The following GDA variants were observed in gnomAD, a reference collection of about 807,000 sequenced individuals.
The protein encoded by GDA is guanine deaminase, also known as cytoplasmic PSD-95 interactor.
Under a neutral mutation model 59.6 loss-of-function variants are expected in GDA, and 18 were observed. That is an observed-to-expected ratio of 0.30 (90% confidence interval 0.21 to 0.45). The LOEUF (loss-of-function observed/expected upper bound fraction) is 0.45, where lower values mean the gene tolerates loss of function less well. Among genes scored for constraint, GDA ranks in the 20% least tolerant of loss-of-function variants. The pLI is 1.00. For missense variants in GDA, 427 were observed against 552.3 expected, an observed-to-expected ratio of 0.77 and a Z score of 2.27; for synonymous variants, 201 against 201.1, an observed-to-expected ratio of 1.00 and a Z score of 0.00.
chr9:72,174,888 A>G (rs1830380395), intron 1 of GDA, among the ~76,000 whole-genome samples: 2 of 152,100 alleles, frequency 1.3e-5, no homozygotes, highest in African/African-American at 4.8e-5. Context: ...ATACCTTGGC[A>G]TTAATTGGAC....
intron 4 of GDA, 90 bp downstream of exon 4, chr9:72,210,864 C>A: frequency 1.3e-6 from 1 of 796,672 alleles, no homozygotes; most frequent in South Asian, 1.4e-5. Context: ...TTGGGCAGAC[C>A]TGCCTTTTAA....
intron 1 of GDA, among the ~76,000 whole-genome samples, chr9:72,155,590 A>G (rs1827798047): frequency 6.6e-6 from 1 of 152,216 alleles, no homozygotes; most frequent in Non-Finnish European, 1.5e-5. Flanking sequence ...AACACAGGAT[A>G]AGGCAGGACA....
rs1312379381 is a variant in GDA, at chr9:72,252,086, C to T, written c.*3744C>T. The T allele has an allele frequency of 2.0e-5, 3 of 152,526 alleles. No homozygotes were observed. The highest frequency in any genetic ancestry group is 1.3e-4 in the Admixed American group (2 of 15,256). 9.4% of individuals were successfully genotyped at this position (152,526 alleles called of 1,614,324 possible). On this transcript the variant is annotated 3_prime_UTR_variant, in exon 14 of 14. Coordinates refer to ENST00000358399, the MANE Select transcript of GDA (RefSeq NM_004293.5). Reference sequence around the variant, plus strand: ...TTACATTTGTTGTTAAACTCCTGATCGCTACTCTTAAGAATATACATGTAT... The same window carrying T: ...TTACATTTGTTGTTAAACTCCTGATTGCTACTCTTAAGAATATACATGTAT...
At chr9:72,117,966 G>A (rs922877283) in intron 1 of GDA, among the ~76,000 whole-genome samples, 5 of 152,036 alleles carry the variant, frequency 3.3e-5, no homozygotes, top group Admixed American at 6.6e-5. Context: ...ATATGTAGGC[G>A]AAAGATATTA....
intron 1 of GDA, among the ~76,000 whole-genome samples, chr9:72,120,356 T>C (rs552761390): frequency 6.6e-6 from 1 of 152,246 alleles, no homozygotes; most frequent in South Asian, 2.1e-4. Flanking sequence ...GCCCAGCTAA[T>C]TTTTAAAAAA....
intron 1 of GDA, among the ~76,000 whole-genome samples, chr9:72,138,884 C>T (rs975163624): frequency 1.3e-5 from 2 of 152,192 alleles, no homozygotes; most frequent in African/African-American, 4.8e-5. Flanking sequence ...GCACATTAAA[C>T]AACAGTGACA....
At chr9:72,245,098 G>A in intron 11 of GDA, 50 bp from the exon 12 acceptor site, 3 of 1,590,016 alleles carry the variant, frequency 1.9e-6, no homozygotes, top group Non-Finnish European at 2.6e-6. Context: ...AGACATTAGT[G>A]TGGTCTGATG....
chr9:72,148,309 A>G (rs7849370), upstream of GDA, among the ~76,000 whole-genome samples: 20 of 145,952 alleles, frequency 1.4e-4, no homozygotes, highest in African/African-American at 4.8e-4. Flanking sequence ...TGGTGTGTGT[A>G]TGTGTGTGTG....
intron 1 of GDA, among the ~76,000 whole-genome samples, chr9:72,157,346 T>G (rs1171236749): frequency 6.6e-6 from 1 of 152,142 alleles, no homozygotes; most frequent in Non-Finnish European, 1.5e-5. Context: ...CAGCCCAGAC[T>G]TCTTTTGTGA....
At chr9:72,138,397 G>T (rs1826321288) in intron 1 of GDA, among the ~76,000 whole-genome samples, 1 of 152,206 alleles carries the variant, frequency 6.6e-6, no homozygotes, top group Admixed American at 6.5e-5. Context: ...TGCTCTCTCA[G>T]GGAGCAGAAC....
chr9:72,127,636 CAAAAAA>C (rs369132489), intron 1 of GDA, among the ~76,000 whole-genome samples: 1 of 120,832 alleles, frequency 8.3e-6, no homozygotes. Flanking sequence ...GACTCTGTCT[CAAAAAA>C]AAAAAAAAAA....
intron 10 of GDA, among the ~76,000 whole-genome samples, chr9:72,236,464 G>A (rs925645447): frequency 3.3e-5 from 5 of 152,098 alleles, no homozygotes; most frequent in Non-Finnish European, 7.4e-5. Flanking sequence ...AAATAGAAAC[G>A]ACCAGAAATC....
Position 72,250,444 on chromosome 9 carries a change from A to G in GDA, c.*2102A>G, listed in dbSNP as rs536390554. The G allele has an allele frequency of 8.0e-7, 1 of 1,250,374 alleles. No individual in the cohort carries two copies. Among genetic ancestry groups the G allele is most frequent in the South Asian group, 1.9e-5 (1 of 53,784 alleles). The allele number at this position is 1,250,374 out of a possible 1,614,324, so 77.5% of individuals were successfully genotyped here. ...TGTTAAACATTTAAATTTAGCTCTG[A>G]TAGTGTGTTAAGACCTGAATATCTT... On this transcript the variant is annotated 3_prime_UTR_variant, in exon 14 of 14. Transcript: ENST00000358399.
chr9:72,241,323 C>T, intron 11 of GDA, 25 bp downstream of exon 11: 1 of 1,557,296 alleles, frequency 6.4e-7, no homozygotes, highest in South Asian at 1.1e-5. Flanking sequence ...ATTTTTCTCT[C>T]ACACAATATA....
chr9:72,233,042 G>A (rs2131683447), intron 10 of GDA, among the ~76,000 whole-genome samples: 2 of 152,248 alleles, frequency 1.3e-5, no homozygotes, highest in African/African-American at 4.8e-5. Context: ...AGAGGATGGT[G>A]TTTCATTTTT....
At chr9:72,144,542 A>G (rs534455178), upstream of GDA, among the ~76,000 whole-genome samples, 9 of 152,352 alleles carry the variant, frequency 5.9e-5, no homozygotes, top group East Asian at 1.7e-3. Flanking sequence ...GGTGCCTATC[A>G]TAATATAGAT....
At chr9:72,171,448 C>T (rs72727214) in intron 1 of GDA, among the ~76,000 whole-genome samples, 1 of 152,224 alleles carries the variant, frequency 6.6e-6, no homozygotes, top group Non-Finnish European at 1.5e-5. Flanking sequence ...TAGCCTTTAC[C>T]TGGGATGGTT....
At chr9:72,183,378 C>T (rs1004345218) in intron 1 of GDA, among the ~76,000 whole-genome samples, 6 of 152,168 alleles carry the variant, frequency 3.9e-5, no homozygotes, top group African/African-American at 1.4e-4. Flanking sequence ...TTAGCATTCT[C>T]AGCCTTGACT....
At chr9:72,196,947 AT>A (rs1226094493) in intron 2 of GDA, among the ~76,000 whole-genome samples, 1 of 152,182 alleles carries the variant, frequency 6.6e-6, no homozygotes, top group African/African-American at 2.4e-5. Context: ...AAGCTAAAAT[AT>A]TTTATCTTGT....
Sources: allele counts gnomAD v4.1 joint callset (sites outside exome capture counted in the v4.1 genomes callset), GRCh38; gene constraint gnomAD v4.1.1; transcripts MANE v1.5; gene names NCBI Gene and HGNC (gene_info 2026-07-23, HGNC 2026-07-21).